The following RBFOX1 variants were observed in gnomAD, a reference collection of about 807,000 sequenced individuals.
RBFOX1 encodes the protein RNA binding fox-1 homolog 1.
RBFOX1 carries 8 observed loss-of-function variants against 57.7 expected under a neutral mutation model. The observed-to-expected ratio is 0.14, with a 90% CI of 0.08 to 0.25. RBFOX1 has a LOEUF of 0.25. RBFOX1 is among the 10% of genes least tolerant of loss of function. The pLI, the probability that RBFOX1 is intolerant of heterozygous loss-of-function variation, is 1.00. For missense variants in RBFOX1, 611 were observed against 548.5 expected, an observed-to-expected ratio of 1.11 and a Z score of -1.14; for synonymous variants, 326 against 222.4, an observed-to-expected ratio of 1.47 and a Z score of -4.15.
At chr16:6,986,493 C>G (rs996100404) in intron 3 of RBFOX1, among the ~76,000 whole-genome samples, 10 of 152,176 alleles carry the variant, frequency 6.6e-5, no homozygotes, top group Non-Finnish European at 1.2e-4. Flanking sequence ...GCCACCACGT[C>G]CAGCCCCAGG....
Position 5,468,882 on chromosome 16 carries a change from G to C in RBFOX1, c.258+1628G>C, listed in dbSNP as rs13337398. On this transcript the variant is annotated intron_variant, in intron 2 of 2. Transcript: ENST00000585867. ...TTGGATCCATCTCAGGACAGAGGTC[G>C]CTACTTCTTCACTTGGCTTCCCGCC... 8.6e-3 allele frequency among the ~76,000 whole-genome samples: 1,312 copies of C among 152,316 alleles called. 20 individuals carry two copies. Among genetic ancestry groups the C allele is most frequent in the African/African-American group, 0.029 (1,217 of 41,578 alleles).
intron 3 of RBFOX1, among the ~76,000 whole-genome samples, chr16:7,029,454 G>C (rs1239852446): frequency 6.6e-6 from 1 of 151,640 alleles, no homozygotes; most frequent in Non-Finnish European, 1.5e-5. Flanking sequence ...ATCATCTTCA[G>C]TCAGGATGGA....
intron 1 of RBFOX1, among the ~76,000 whole-genome samples, chr16:6,221,299 C>T (rs890737970): frequency 6.6e-6 from 1 of 152,124 alleles, no homozygotes; most frequent in African/African-American, 2.4e-5. Flanking sequence ...CTAATAGAAA[C>T]TGTATCACTG....
chr16:6,434,662 A>G (rs1291138088), intron 2 of RBFOX1, among the ~76,000 whole-genome samples: 1 of 152,244 alleles, frequency 6.6e-6, no homozygotes. Flanking sequence ...ATCTGTAAAT[A>G]TGATAAACAC....
chr16:6,916,908 G>C (rs1169652077), intron 3 of RBFOX1, among the ~76,000 whole-genome samples: 1 of 152,154 alleles, frequency 6.6e-6, no homozygotes, highest in East Asian at 1.9e-4. Flanking sequence ...AGAGTGCAGT[G>C]ACATAATCTC....
At chr16:7,187,877 A>G (rs187195534) in intron 4 of RBFOX1, among the ~76,000 whole-genome samples, 86 of 152,232 alleles carry the variant, frequency 5.6e-4, no homozygotes, top group Non-Finnish European at 9.7e-4. Context: ...TCATATTGGA[A>G]AATGTTCACC....
chr16:7,650,024 GAAA>G (rs2064656272), intron 11 of RBFOX1, among the ~76,000 whole-genome samples: 1 of 42,006 alleles, frequency 2.4e-5, no homozygotes, highest in East Asian at 1.5e-3. Context: ...ACAAAAGGAA[GAAA>G]GAGGGAGGGA....
At chr16:6,077,134 A>G (rs1263353399) in intron 1 of RBFOX1, among the ~76,000 whole-genome samples, 1 of 152,148 alleles carries the variant, frequency 6.6e-6, no homozygotes, top group African/African-American at 2.4e-5. Context: ...GACGACTTTA[A>G]ATACCTTCCA....
intron 4 of RBFOX1, among the ~76,000 whole-genome samples, chr16:5,938,547 C>T (rs1052342172): frequency 2.0e-5 from 3 of 152,190 alleles, no homozygotes; most frequent in Non-Finnish European, 4.4e-5. Context: ...ACTCTACAAC[C>T]TATTTCACTA....
At chr16:5,593,951 G>A (rs2047096633) in intron 2 of RBFOX1, among the ~76,000 whole-genome samples, 1 of 152,082 alleles carries the variant, frequency 6.6e-6, no homozygotes, top group South Asian at 2.1e-4. Flanking sequence ...AGGTCTCCGT[G>A]CTTCATCCGT....
chr16:7,033,564 A>C (rs912601149), intron 3 of RBFOX1, among the ~76,000 whole-genome samples: 1 of 152,210 alleles, frequency 6.6e-6, no homozygotes, highest in African/African-American at 2.4e-5. Flanking sequence ...TTAAGAGGAC[A>C]GAGCTGATCA....
At chr16:6,886,746 C>G (rs188161032) in intron 3 of RBFOX1, among the ~76,000 whole-genome samples, 207 of 130,322 alleles carry the variant, frequency 1.6e-3, no homozygotes, top group African/African-American at 5.6e-3. Context: ...GCAAGTGAGA[C>G]TCTATCTGAA....
At chr16:6,047,518 A>G (rs117216369) in intron 1 of RBFOX1, among the ~76,000 whole-genome samples, 1 of 152,352 alleles carries the variant, frequency 6.6e-6, no homozygotes, top group East Asian at 1.9e-4. Context: ...ATGAGCATGC[A>G]ATGCCTGGCT....
At chr16:5,470,269 A>G (rs1424758459) in intron 2 of RBFOX1, among the ~76,000 whole-genome samples, 1 of 152,170 alleles carries the variant, frequency 6.6e-6, no homozygotes, top group Non-Finnish European at 1.5e-5. Context: ...GGCTTGGGCA[A>G]AGAAGGGGGT....
intron 3 of RBFOX1, among the ~76,000 whole-genome samples, chr16:5,773,904 G>C (rs891626381): frequency 6.6e-6 from 1 of 152,186 alleles, no homozygotes; most frequent in East Asian, 1.9e-4. Context: ...CACCATGTTA[G>C]GTTGGTCTCG....
At chr16:6,977,835 C>G (rs185798839) in intron 3 of RBFOX1, among the ~76,000 whole-genome samples, 1 of 150,550 alleles carries the variant, frequency 6.6e-6, no homozygotes, top group Admixed American at 6.7e-5. Flanking sequence ...TTTGCAGTAT[C>G]TTGAAAAGCT....
At chr16:6,115,212 T>C (rs2096485745) in intron 1 of RBFOX1, among the ~76,000 whole-genome samples, 1 of 152,336 alleles carries the variant, frequency 6.6e-6, no homozygotes, top group South Asian at 2.1e-4. Context: ...CCCAGAAATA[T>C]GTCCTGCCAG....
At chr16:7,460,354 C>T (rs1468569046) in intron 4 of RBFOX1, among the ~76,000 whole-genome samples, 3 of 91,622 alleles carry the variant, frequency 3.3e-5, no homozygotes, top group Non-Finnish European at 2.0e-5. Context: ...TATGATTTGC[C>T]TTAATCATTT....
chr16:5,898,151 G>A (rs1269760153), intron 4 of RBFOX1, among the ~76,000 whole-genome samples: 2 of 152,100 alleles, frequency 1.3e-5, no homozygotes, highest in African/African-American at 4.8e-5. Flanking sequence ...GCAAAAGCAG[G>A]AAAAATCCTT....
Sources: gnomAD v4.1 joint callset for allele counts (sites outside exome capture counted in the v4.1 genomes callset) on GRCh38, gnomAD v4.1.1 for gene constraint, MANE v1.5 for transcripts, NCBI Gene and HGNC (gene_info 2026-07-23, HGNC 2026-07-21) for gene names.